The following EXOC4 variants were observed in gnomAD, a reference collection of about 807,000 sequenced individuals.
EXOC4 encodes the protein exocyst complex component 4.
A neutral mutation model predicts 107.2 loss-of-function variants in EXOC4; 71 were observed. The ratio of observed to expected loss-of-function variants is 0.66; its 90% CI spans 0.55 to 0.81. The LOEUF (loss-of-function observed/expected upper bound fraction) is 0.81. EXOC4 is among the 30% of genes least tolerant of loss of function. The pLI is 0.00. For missense variants in EXOC4, 1,108 were observed against 1,189.6 expected (o/e 0.93, Z 1.01); for synonymous variants, 456 against 441.2 (o/e 1.03, Z -0.42).
intron 7 of EXOC4, among the ~76,000 whole-genome samples, chr7:133,399,374 A>C (rs1045660982): frequency 2.6e-5 from 4 of 152,160 alleles, no homozygotes; most frequent in African/African-American, 9.7e-5. Flanking sequence ...TCATGAACTA[A>C]ACCTACCCAC....
intron 1 of EXOC4, among the ~76,000 whole-genome samples, chr7:133,260,554 G>A (rs1017626145): frequency 6.6e-6 from 1 of 152,238 alleles, no homozygotes; most frequent in Admixed American, 6.5e-5. Context: ...GATTACAGGT[G>A]TGAGGCACCG....
intron 9 of EXOC4, among the ~76,000 whole-genome samples, chr7:133,624,112 C>T (rs559039627): frequency 2.0e-5 from 3 of 152,078 alleles, no homozygotes; most frequent in Non-Finnish European, 4.4e-5. Flanking sequence ...AAAGAATTCA[C>T]CTTCACTGTG....
At chr7:134,027,472 A>G (rs1795166297) in intron 17 of EXOC4, among the ~76,000 whole-genome samples, 1 of 152,118 alleles carries the variant, frequency 6.6e-6, no homozygotes, top group Non-Finnish European at 1.5e-5. Context: ...ATCCTGGCCA[A>G]CATGGTGGAA....
At chr7:134,077,517 A>G in the EXOC4 span, among the ~76,000 whole-genome samples, 10 of 152,224 alleles carry the variant, frequency 6.6e-5, no homozygotes, top group Admixed American at 2.6e-4. Flanking sequence ...ATTCAGGAGG[A>G]CGAGAGAGAC....
At chr7:133,460,430 C>T (rs1323731883) in intron 7 of EXOC4, among the ~76,000 whole-genome samples, 2 of 152,192 alleles carry the variant, frequency 1.3e-5, no homozygotes, top group Admixed American at 6.5e-5. Context: ...TTACTTAAAC[C>T]AGCAGTGCAG....
chr7:133,467,922 G>A (rs995976276), intron 7 of EXOC4, among the ~76,000 whole-genome samples: 8 of 151,688 alleles, frequency 5.3e-5, no homozygotes, highest in African/African-American at 1.9e-4. Flanking sequence ...TTTCTCCTTT[G>A]TATTGTACTC....
intron 9 of EXOC4, among the ~76,000 whole-genome samples, chr7:133,512,212 C>T (rs2150899906): frequency 6.6e-6 from 1 of 152,142 alleles, no homozygotes; most frequent in Admixed American, 6.5e-5. Flanking sequence ...GGTGGATCAC[C>T]TGAGGGCAGG....
At chr7:133,655,442 A>C (rs1245526131) in intron 10 of EXOC4, among the ~76,000 whole-genome samples, 1 of 152,162 alleles carries the variant, frequency 6.6e-6, no homozygotes, top group Non-Finnish European at 1.5e-5. Flanking sequence ...ATTCCTCTTA[A>C]CTTTCTGATT....
intron 5 of EXOC4, among the ~76,000 whole-genome samples, chr7:133,344,680 T>G (rs1795744853): frequency 6.6e-6 from 1 of 152,224 alleles, no homozygotes; most frequent in South Asian, 2.1e-4. Context: ...CAAGATTGTG[T>G]CTGCTTTTAC....
intron 11 of EXOC4, among the ~76,000 whole-genome samples, chr7:133,850,635 C>CCG (rs1798221729): frequency 8.4e-6 from 1 of 118,618 alleles, no homozygotes; most frequent in Non-Finnish European, 1.9e-5. Context: ...ATCTAGGTTA[C>CCG]CCCCCCACAC....
intron 10 of EXOC4, among the ~76,000 whole-genome samples, chr7:133,815,484 G>C (rs560652985): frequency 6.6e-6 from 1 of 151,626 alleles, no homozygotes; most frequent in Non-Finnish European, 1.5e-5. Flanking sequence ...TGTAACATTA[G>C]AAACATTGAC....
intron 17 of EXOC4, among the ~76,000 whole-genome samples, chr7:134,029,497 T>C (rs1795221124): frequency 6.6e-6 from 1 of 152,082 alleles, no homozygotes; most frequent in African/African-American, 2.4e-5. Context: ...TATTGATTGA[T>C]TGATTGATTG....
rs1269051868 is a variant in EXOC4 at position 133,423,225 on chromosome 7, CCAAAAAAAAAAAA to C, written c.1182+48224_1182+48236del. Reference sequence around the variant, plus strand: ...TGGGCGACAGAGCGAGACTCCGTCTCCAAAAAAAAAAAAAAAAAAAAAAAAAATAGAATTAATG... The same window carrying C: ...TGGGCGACAGAGCGAGACTCCGTCTCAAAAAAAAAAAAAATAGAATTAATG... On this transcript the variant is annotated intron_variant, in intron 7 of 17. Transcript: ENST00000253861. 2.1e-3 allele frequency among the ~76,000 whole-genome samples: 26 copies of C among 12,156 alleles called. 13 individuals carry two copies. The highest frequency in any genetic ancestry group is 3.1e-3 in the African/African-American group (4 of 1,284). 8.0% of individuals were successfully genotyped at this position (12,156 alleles called of 152,430 possible).
chr7:133,887,928 G>A (rs1563044221), intron 11 of EXOC4, among the ~76,000 whole-genome samples: 1 of 152,138 alleles, frequency 6.6e-6, no homozygotes, highest in Non-Finnish European at 1.5e-5. Flanking sequence ...ACAGAGGAAT[G>A]GGATTATGGA....
intron 9 of EXOC4, among the ~76,000 whole-genome samples, chr7:133,564,936 G>A (rs1281744138): frequency 6.6e-6 from 1 of 152,154 alleles, no homozygotes; most frequent in Admixed American, 6.5e-5. Flanking sequence ...GGGGTTCCAG[G>A]AACTCAAACC....
At chr7:133,356,967 G>T (rs898742622) in intron 6 of EXOC4, among the ~76,000 whole-genome samples, 1 of 152,136 alleles carries the variant, frequency 6.6e-6, no homozygotes, top group Non-Finnish European at 1.5e-5. Context: ...GTGACAGAGC[G>T]AGACTCCGTC....
chr7:133,496,143 T>TTTG (rs920180439), intron 9 of EXOC4, among the ~76,000 whole-genome samples: 6 of 152,116 alleles, frequency 3.9e-5, no homozygotes, highest in East Asian at 1.9e-4. Context: ...TACAGCATTT[T>TTTG]TTGTTGTTGT....
chr7:133,332,946 G>A (rs1020367500), intron 5 of EXOC4, among the ~76,000 whole-genome samples: 64 of 152,042 alleles, frequency 4.2e-4, no homozygotes, highest in African/African-American at 1.5e-3. Flanking sequence ...TTAATTTTTA[G>A]CACCTACTTT....
intron 9 of EXOC4, among the ~76,000 whole-genome samples, chr7:133,588,959 CATAT>C (rs145103719): frequency 2.6e-4 from 39 of 151,570 alleles, no homozygotes; most frequent in Admixed American, 6.6e-4. Context: ...TGTGTGTGCA[CATAT>C]GTGTGTGTGT....
Sources: allele counts gnomAD v4.1 joint callset (sites outside exome capture counted in the v4.1 genomes callset), GRCh38; gene constraint gnomAD v4.1.1; transcripts MANE v1.5; gene names NCBI Gene and HGNC (gene_info 2026-07-23, HGNC 2026-07-21).